The following CSMD1 variants were observed in gnomAD, a reference collection of about 807,000 sequenced individuals.
CSMD1 encodes the protein CUB and Sushi multiple domains 1.
CSMD1 carries 213 observed loss-of-function variants against 417.5 expected under a neutral mutation model. The ratio of observed to expected loss-of-function variants is 0.51; its 90% confidence interval spans 0.46 to 0.57. The LOEUF is 0.57. Ranked by LOEUF, CSMD1 falls within the 20% of genes least tolerant of loss-of-function variation. The pLI, the probability that CSMD1 is intolerant of heterozygous loss-of-function variation, is 0.00. For synonymous variants in CSMD1, 2,862 were observed against 1,736.8 expected, an observed-to-expected ratio of 1.65 and a Z score of -16.11; for missense variants, 6,923 against 4,529.7, an observed-to-expected ratio of 1.53 and a Z score of -15.17.
intron 5 of CSMD1, among the ~76,000 whole-genome samples, chr8:3,839,238 T>C (rs1563132896): frequency 1.6e-5 from 2 of 125,390 alleles, no homozygotes; most frequent in Non-Finnish European, 3.1e-5. Context: ...TATAATTATA[T>C]ATACTATTAA....
rs557212860 is a variant in CSMD1 at position 3,289,000 on chromosome 8, C to T, written c.3951-4654G>A. Among the ~76,000 whole-genome samples the T allele has an allele frequency of 2.7e-4, 38 of 140,394 alleles. No individual in the cohort carries two copies. The East Asian group carries it at 4.2e-3, about 15-fold the overall frequency. The allele number at this position is 140,394 out of a possible 152,430, so 92.1% of individuals were successfully genotyped here. ...ACTCCCCCTACCCCACAACAGTCCCCGGTGTGTGATGTTCCCCTTCCTGTG... is the reference window on the plus strand; with the variant it reads ...ACTCCCCCTACCCCACAACAGTCCCTGGTGTGTGATGTTCCCCTTCCTGTG... On this transcript the variant is annotated intron_variant, in intron 25 of 69. Coordinates refer to ENST00000635120, the MANE Select transcript of CSMD1 (RefSeq NM_033225.6).
chr8:4,719,088 T>G (rs1384232518), intron 1 of CSMD1, among the ~76,000 whole-genome samples: 1 of 152,116 alleles, frequency 6.6e-6, no homozygotes, highest in Non-Finnish European at 1.5e-5. Context: ...TGTTTTAATG[T>G]GGTTGGTTTC....
chr8:3,317,792 T>C (rs559161471), intron 23 of CSMD1, among the ~76,000 whole-genome samples: 54 of 152,296 alleles, frequency 3.5e-4, no homozygotes, highest in African/African-American at 1.2e-3. Context: ...TAAAATAAAG[T>C]TGCTACTGTA....
chr8:3,947,323 T>G (rs983132077), intron 5 of CSMD1, among the ~76,000 whole-genome samples: 3 of 152,188 alleles, frequency 2.0e-5, no homozygotes, highest in Admixed American at 2.0e-4. Context: ...GTTAAGATTA[T>G]GAATTACAAT....
intron 49 of CSMD1, among the ~76,000 whole-genome samples, chr8:3,084,898 T>A (rs1349970436): frequency 6.6e-6 from 1 of 150,622 alleles, no homozygotes; most frequent in Non-Finnish European, 1.5e-5. Context: ...TTGCTACATT[T>A]TGTTTTGTTT....
At chr8:4,608,661 G>A (rs1197411449) in intron 2 of CSMD1, among the ~76,000 whole-genome samples, 1 of 152,176 alleles carries the variant, frequency 6.6e-6, no homozygotes, top group Non-Finnish European at 1.5e-5. Context: ...CGTTTATTAA[G>A]CAATGTCCTA....
intron 1 of CSMD1, among the ~76,000 whole-genome samples, chr8:4,767,767 T>C (rs566336844): frequency 6.6e-6 from 1 of 152,266 alleles, no homozygotes; most frequent in South Asian, 2.1e-4. Context: ...CTTTGTGCAA[T>C]TATTTGCTTA....
intron 3 of CSMD1, among the ~76,000 whole-genome samples, chr8:4,234,363 G>A (rs1028222193): frequency 6.6e-6 from 1 of 152,126 alleles, no homozygotes; most frequent in African/African-American, 2.4e-5. Context: ...CCTCTCTGCA[G>A]GAGTGGAAGA....
At chr8:4,241,048 G>A (rs974235898) in intron 3 of CSMD1, among the ~76,000 whole-genome samples, 4 of 152,074 alleles carry the variant, frequency 2.6e-5, no homozygotes, top group African/African-American at 7.2e-5. Context: ...GTCTTTTAAT[G>A]AAGCTACCCC....
At chr8:4,020,254 T>A (rs890281264) in intron 4 of CSMD1, among the ~76,000 whole-genome samples, 1 of 152,210 alleles carries the variant, frequency 6.6e-6, no homozygotes, top group Non-Finnish European at 1.5e-5. Context: ...CAGTGTCCAA[T>A]TGACAGCACT....
intron 7 of CSMD1, among the ~76,000 whole-genome samples, chr8:3,619,956 G>T (rs574150591): frequency 1.2e-4 from 18 of 152,122 alleles, no homozygotes; most frequent in Non-Finnish European, 2.1e-4. Context: ...ATAAAAATCA[G>T]CCAGGCATGG....
At chr8:4,132,929 CATTT>C (rs553757533) in intron 3 of CSMD1, among the ~76,000 whole-genome samples, 2 of 151,902 alleles carry the variant, frequency 1.3e-5, no homozygotes, top group Non-Finnish European at 2.9e-5. Context: ...TGGTAAAAGT[CATTT>C]ATTTATTTAT....
intron 1 of CSMD1, among the ~76,000 whole-genome samples, chr8:4,732,728 T>C (rs1298579640): frequency 6.6e-6 from 1 of 152,168 alleles, no homozygotes; most frequent in African/African-American, 2.4e-5. Flanking sequence ...ACATCGTTTT[T>C]AACCCTTGGC....
chr8:3,557,211 T>C (rs1799194941), intron 10 of CSMD1, among the ~76,000 whole-genome samples: 1 of 152,166 alleles, frequency 6.6e-6, no homozygotes, highest in Non-Finnish European at 1.5e-5. Flanking sequence ...GGATATGTAT[T>C]AGTACAACAT....
intron 23 of CSMD1, among the ~76,000 whole-genome samples, chr8:3,319,457 T>C (rs1216732645): frequency 6.6e-6 from 1 of 152,342 alleles, no homozygotes; most frequent in East Asian, 1.9e-4. Flanking sequence ...AATATTAATA[T>C]AGAGCCAATA....
intron 1 of CSMD1, among the ~76,000 whole-genome samples, chr8:4,973,290 C>T (rs1457388083): frequency 6.6e-6 from 1 of 152,126 alleles, no homozygotes; most frequent in Non-Finnish European, 1.5e-5. Flanking sequence ...GCTTTAGGTA[C>T]ATGATAACTG....
chr8:4,207,459 C>G (rs979258868), intron 3 of CSMD1, among the ~76,000 whole-genome samples: 2 of 152,062 alleles, frequency 1.3e-5, no homozygotes, highest in African/African-American at 2.4e-5. Context: ...TGAACCATAT[C>G]TAAAATTTTA....
At chr8:3,151,962 T>A (rs1247002298) in intron 39 of CSMD1, among the ~76,000 whole-genome samples, 2 of 152,204 alleles carry the variant, frequency 1.3e-5, no homozygotes, top group African/African-American at 4.8e-5. Flanking sequence ...ACCATTCCCC[T>A]CTTACACATG....
At chr8:4,464,609 C>T (rs1051788447) in intron 2 of CSMD1, among the ~76,000 whole-genome samples, 6 of 152,204 alleles carry the variant, frequency 3.9e-5, no homozygotes, top group Middle Eastern at 6.8e-3. Context: ...ATTACTTTCA[C>T]GCTATTGTAA....
Sources: allele counts gnomAD v4.1 joint callset (sites outside exome capture counted in the v4.1 genomes callset), GRCh38; gene constraint gnomAD v4.1.1; transcripts MANE v1.5; gene names NCBI Gene and HGNC (gene_info 2026-07-23, HGNC 2026-07-21).